MRPS11: variants seen among roughly 807,000 people sequenced by gnomAD.
MRPS11 encodes the protein mitochondrial ribosomal protein S11.
A neutral mutation model predicts 24.3 loss-of-function variants in MRPS11; 27 were observed. The observed-to-expected ratio is 1.11, with a 90% CI of 0.82 to 1.53. MRPS11 has a LOEUF of 1.53. MRPS11 is among the 40% of genes most tolerant of loss of function. MRPS11 has a pLI of 0.00. For missense variants in MRPS11, 277 were observed against 256.5 expected (o/e 1.08, Z -0.55); for synonymous variants, 104 against 98.7 (o/e 1.05, Z -0.32).
At chr15:88,474,195 A>G (rs2055772848) in intron 3 of MRPS11, among the ~76,000 whole-genome samples, 3 of 149,300 alleles carry the variant, frequency 2.0e-5, no homozygotes, top group African/African-American at 7.8e-5. Flanking sequence ...ATAAAAAAGA[A>G]AAAAAGAGAA....
chr15:88,476,697 C>T, intron 4 of MRPS11: 1 of 329,130 alleles, frequency 3.0e-6, no homozygotes, highest in Non-Finnish European at 5.5e-6. Context: ...GTCTGAAATT[C>T]TGCATTTGCC....
chr15:88,476,188 C>G (rs1269554339), intron 4 of MRPS11, among the ~76,000 whole-genome samples: 1 of 152,116 alleles, frequency 6.6e-6, no homozygotes, highest in Non-Finnish European at 1.5e-5. Flanking sequence ...TTCAGAGACC[C>G]TCAGTATTAT....
rs991385252 is a variant in MRPS11, at chr15:88,479,648, C to T, written c.*1669C>T. The T allele has an allele frequency of 2.0e-5, 3 of 152,308 alleles. No homozygotes were observed. The highest frequency in any genetic ancestry group is 7.2e-5 in the African/African-American group (3 of 41,578). The allele number at this position is 152,308 out of a possible 1,614,324, so 9.4% of individuals were successfully genotyped here. Reference sequence around the variant, plus strand: ...AACCGGAGGCTTCTTGGATCAAAGCCACTGTCGGAAGGAATTAGACTGTTT... The same window carrying T: ...AACCGGAGGCTTCTTGGATCAAAGCTACTGTCGGAAGGAATTAGACTGTTT... On this transcript the variant is annotated 3_prime_UTR_variant, in exon 6 of 6. Coordinates refer to ENST00000325844, the MANE Select transcript of MRPS11 (RefSeq NM_022839.5).
intron 3 of MRPS11, among the ~76,000 whole-genome samples, chr15:88,474,484 G>A (rs943451123): frequency 2.0e-5 from 3 of 151,522 alleles, no homozygotes; most frequent in South Asian, 4.2e-4. Flanking sequence ...ACTTGAACCC[G>A]GGAGGCGGAG....
At position 88,475,678 on chromosome 15, in the gene MRPS11, A is replaced by G. The variant is rs1255103554; in HGVS notation, c.411+439A>G. The stretch of plus-strand genomic sequence containing the variant: ...GAGAGAGACCCTGTCTCCAAAATAA[A>G]TTAAAAATAGGCCAGGCGCGATGGC... On this transcript the variant is annotated intron_variant, in intron 4 of 5. Transcript: ENST00000325844. This position sits in a 1 kb window ranked among gnomAD's most constrained non-coding sequence, Gnocchi z 4.1. 6.6e-6 allele frequency among the ~76,000 whole-genome samples: 1 copy of G among 152,130 alleles called. No individual in the cohort carries two copies. The highest frequency in any genetic ancestry group is 2.4e-5 in the African/African-American group (1 of 41,424).
At chr15:88,476,513 G>A (rs2055826565) in intron 4 of MRPS11, among the ~76,000 whole-genome samples, 1 of 152,154 alleles carries the variant, frequency 6.6e-6, no homozygotes, top group Admixed American at 6.5e-5. Flanking sequence ...TGTTCACAGT[G>A]GCTTCTGCAT....
chr15:88,471,016 T>C (rs1425461422), intron 2 of MRPS11, among the ~76,000 whole-genome samples: 2 of 152,194 alleles, frequency 1.3e-5, no homozygotes, highest in East Asian at 1.9e-4. Context: ...CAGGGGCTAA[T>C]ACACAAGTGG....
In MRPS11 at chr15:88,477,935, A is replaced by G. The variant is rs746219535; in HGVS notation, c.541A>G (p.Ile181Val). The G allele has an allele frequency of 1.1e-5, 17 of 1,613,990 alleles. No individual in the cohort carries two copies. The highest frequency in any genetic ancestry group is 1.3e-5 in the African/African-American group (1 of 74,902). ...GATCTCAATCACAGACAACACCCCA[A>G]TCCCACACAACGGCTGCCGCCCCAG... Reference protein sequence around the residue: ...EVISITDNTPIPHNGCRPRKA... With the variant: ...EVISITDNTPVPHNGCRPRKA... The change falls in exon 6 of 6, where the codon ATC (isoleucine) becomes GTC (valine). Residue 181 changes from isoleucine to valine, a missense_variant. Physicochemically the swap from Ile to Val is conservative, Grantham distance 29. Transcript: ENST00000325844. The surrounding 1 kb of genome is among the most constrained non-coding windows in gnomAD (Gnocchi z 5.7).
At position 88,475,347 on chromosome 15, in the gene MRPS11, G is replaced by C; in HGVS notation, c.411+108G>C. On this transcript the variant is annotated intron_variant, in intron 4 of 5. Transcript: ENST00000325844. The surrounding 1 kb of genome is among the most constrained non-coding windows in gnomAD (Gnocchi z 4.1). ...ACTACCCATTCAGAAGCAAGGGTTT[G>C]TCATGGCAGCTTTGATGCCCTGATT... 1 of 1,488,740 alleles carries C rather than the reference G, an allele frequency of 6.7e-7. No individual in the cohort carries two copies. The highest frequency in any genetic ancestry group is 9.1e-7 in the Non-Finnish European group (1 of 1,101,466). The allele number at this position is 1,488,740 out of a possible 1,614,324, so 92.2% of individuals were successfully genotyped here.
rs552245018 is a variant in MRPS11 at position 88,471,610 on chromosome 15, C to T, written c.183-1017C>T. Among the ~76,000 whole-genome samples, 17 of 152,246 alleles carry T rather than the reference C, an allele frequency of 1.1e-4. No individual in the cohort carries two copies. The East Asian group carries it at 2.5e-3, about 23-fold the overall frequency. On this transcript the variant is annotated intron_variant, in intron 2 of 5. Coordinates refer to ENST00000325844, the MANE Select transcript of MRPS11 (RefSeq NM_022839.5). ...CCAAGGCTTGGCTTCTCTTGCTAACCCTATTTCCCTATTGGTACCTAATTT... is the reference window on the plus strand; with the variant it reads ...CCAAGGCTTGGCTTCTCTTGCTAACTCTATTTCCCTATTGGTACCTAATTT...
chr15:88,474,154 G>T (rs1354071755), intron 3 of MRPS11, among the ~76,000 whole-genome samples: 1 of 152,130 alleles, frequency 6.6e-6, no homozygotes, highest in African/African-American at 2.4e-5. Context: ...TCCAGCCTGG[G>T]CAACAGAGTG....
chr15:88,478,287 C>A lies in MRPS11; in HGVS notation c.*308C>A. Reference sequence around the variant, plus strand: ...TCATAATTTTGAGATTTTTTGCTTTCAGAGTTACGTAATTCCTAATTCCTC... The same window carrying A: ...TCATAATTTTGAGATTTTTTGCTTTAAGAGTTACGTAATTCCTAATTCCTC... On this transcript the variant is annotated 3_prime_UTR_variant, in exon 6 of 6. Transcript: ENST00000325844. The surrounding 1 kb of genome is among the most constrained non-coding windows in gnomAD (Gnocchi z 4.7). 1 of 353,144 alleles carries A rather than the reference C, an allele frequency of 2.8e-6. No individual in the cohort carries two copies. Among genetic ancestry groups the A allele is most frequent in the Non-Finnish European group, 5.2e-6 (1 of 193,164 alleles). The allele number at this position is 353,144 out of a possible 1,614,324, so 21.9% of individuals were successfully genotyped here. A position where few individuals can be genotyped will look rare whatever the true frequency, so the allele number is the denominator to read the frequency against.
Position 88,477,939 on chromosome 15 carries a change from C to T in MRPS11, c.545C>T (p.Pro182Leu). 1 of 1,614,212 alleles carries T rather than the reference C, an allele frequency of 6.2e-7. No homozygotes were observed. Reference protein sequence around the residue: ...VISITDNTPIPHNGCRPRKAR... With the variant: ...VISITDNTPILHNGCRPRKAR... ...TCAATCACAGACAACACCCCAATCCCACACAACGGCTGCCGCCCCAGGAAG... is the reference window on the plus strand; with the variant it reads ...TCAATCACAGACAACACCCCAATCCTACACAACGGCTGCCGCCCCAGGAAG... The change falls in exon 6 of 6, where the codon CCA (proline) becomes CTA (leucine). Residue 182 changes from proline to leucine, a missense_variant. Coordinates refer to ENST00000325844, the MANE Select transcript of MRPS11 (RefSeq NM_022839.5). The surrounding 1 kb of genome is among the most constrained non-coding windows in gnomAD (Gnocchi z 5.7).
At position 88,477,523 on chromosome 15, in the gene MRPS11, G is replaced by A. The variant is rs773911574; in HGVS notation, c.478-349G>A. Among the ~76,000 whole-genome samples, 14 of 152,158 alleles carry A rather than the reference G, an allele frequency of 9.2e-5. No homozygotes were observed. The highest frequency in any genetic ancestry group is 2.2e-4 in the African/African-American group (9 of 41,416). ...AGGGAGGTGGAGGCACAGCAGGTACGGGGGGACATTGCAGGCAGAGAAAAC... is the reference window on the plus strand; with the variant it reads ...AGGGAGGTGGAGGCACAGCAGGTACAGGGGGACATTGCAGGCAGAGAAAAC... On this transcript the variant is annotated intron_variant, in intron 5 of 5. Coordinates refer to ENST00000325844, the MANE Select transcript of MRPS11 (RefSeq NM_022839.5). This position sits in a 1 kb window ranked among gnomAD's most constrained non-coding sequence, Gnocchi z 5.7.
At chr15:88,471,541 C>T (rs1014359199) in intron 2 of MRPS11, among the ~76,000 whole-genome samples, 3 of 151,864 alleles carry the variant, frequency 2.0e-5, no homozygotes, top group African/African-American at 4.8e-5. Context: ...TTAAAAAGCA[C>T]AGCTTGGTGA....
intron 2 of MRPS11, among the ~76,000 whole-genome samples, chr15:88,470,353 T>G (rs993631679): frequency 6.6e-6 from 1 of 152,174 alleles, no homozygotes; most frequent in African/African-American, 2.4e-5. Flanking sequence ...AGAGTCAGAC[T>G]TCAGACTTTA....
chr15:88,468,665 G>C (rs1215346885), intron 2 of MRPS11: 1 of 267,300 alleles, frequency 3.7e-6, no homozygotes, highest in Non-Finnish European at 5.8e-6. Context: ...ACCATAATCT[G>C]CTCAATAATA....
At chr15:88,468,154 C>T (rs2055593958) in intron 2 of MRPS11, 130 bp downstream of exon 2, 1 of 1,461,544 alleles carries the variant, frequency 6.8e-7, no homozygotes, top group African/African-American at 1.4e-5. Flanking sequence ...GCAAATAAAT[C>T]TGAGCCTCAG....
intron 4 of MRPS11, among the ~76,000 whole-genome samples, chr15:88,476,301 G>A (rs1289212429): frequency 1.3e-5 from 2 of 152,212 alleles, no homozygotes; most frequent in Non-Finnish European, 1.5e-5. Context: ...TGGGACCAAA[G>A]CCTGCACAAT....
Sources: allele counts gnomAD v4.1 joint callset (sites outside exome capture counted in the v4.1 genomes callset), GRCh38; gene constraint gnomAD v4.1.1; non-coding constraint Gnocchi (gnomAD v3.1); transcripts MANE v1.5; gene names NCBI Gene and HGNC (gene_info 2026-07-23, HGNC 2026-07-21).